The following PPME1 variants were observed in gnomAD, a reference collection of about 807,000 sequenced individuals.
PPME1 encodes the protein testicular secretory protein Li 39.
A neutral mutation model predicts 56.9 loss-of-function variants in PPME1; 17 were observed. The observed-to-expected ratio is 0.30, with a 90% confidence interval of 0.20 to 0.45. PPME1 has a LOEUF of 0.45. Among genes scored for constraint, PPME1 ranks in the 20% least tolerant of loss-of-function variants. The pLI, the probability that PPME1 is intolerant of heterozygous loss-of-function variation, is 1.00. For missense variants in PPME1, 357 were observed against 483.2 expected, an observed-to-expected ratio of 0.74 and a Z score of 2.45; for synonymous variants, 122 against 156.2, an observed-to-expected ratio of 0.78 and a Z score of 1.63.
intron 1 of PPME1, among the ~76,000 whole-genome samples, chr11:74,194,581 A>G (rs1441629533): frequency 6.6e-6 from 1 of 151,170 alleles, no homozygotes; most frequent in Non-Finnish European, 1.5e-5. Context: ...ATTATTTAAT[A>G]ATTATACACT....
intron 4 of PPME1, among the ~76,000 whole-genome samples, chr11:74,224,318 C>T (rs1156525822): frequency 1.4e-5 from 2 of 142,476 alleles, no homozygotes; most frequent in Non-Finnish European, 3.0e-5. Context: ...TGTTTTGGTA[C>T]CAGTACCATG....
chr11:74,182,743 T>G (rs887123786), intron 1 of PPME1, among the ~76,000 whole-genome samples: 1 of 152,174 alleles, frequency 6.6e-6, no homozygotes, highest in African/African-American at 2.4e-5. Context: ...CGTATACATG[T>G]TGAGAACTTC....
At chr11:74,213,028 G>T (rs980779694) in intron 3 of PPME1, among the ~76,000 whole-genome samples, 4 of 152,178 alleles carry the variant, frequency 2.6e-5, no homozygotes, top group African/African-American at 9.7e-5. Flanking sequence ...GCACCAGGTG[G>T]ACTCTTGGGG....
At chr11:74,173,328 C>T (rs1857329608) in intron 1 of PPME1, among the ~76,000 whole-genome samples, 1 of 152,008 alleles carries the variant, frequency 6.6e-6, no homozygotes, top group African/African-American at 2.4e-5. Context: ...TATACCAGCA[C>T]CCTTCTATAC....
chr11:74,230,782 C>T lies in PPME1; in HGVS notation c.554-130C>T, dbSNP rs1299922917. ...CCCAGAGGCAAAAATTATTGAGGGC[C>T]ATCTTTATTTCTCTGCGAGCATCAC... On this transcript the variant is annotated intron_variant, in intron 6 of 13. Transcript: ENST00000328257. The surrounding 1 kb of genome is among the most constrained non-coding windows in gnomAD (Gnocchi z 4.9). 2.7e-6 allele frequency: 2 copies of T among 744,070 alleles called. No homozygotes were observed. The highest frequency in any genetic ancestry group is 1.8e-5 in the South Asian group (1 of 54,616). The allele number at this position is 744,070 out of a possible 1,614,324, so 46.1% of individuals were successfully genotyped here. A position where few individuals can be genotyped will look rare whatever the true frequency, so the allele number is the denominator to read the frequency against.
In PPME1 at chr11:74,253,616, AC is replaced by A; in HGVS notation, c.*107del. On this transcript the variant is annotated 3_prime_UTR_variant, in exon 14 of 14. Transcript: ENST00000328257. ...CCTCTCCATCCCGCCCAGCCATGTG[AC>A]ACTGGCTCCCGGTAGACGGGCACCC... 1 of 1,279,048 alleles carries A rather than the reference AC, an allele frequency of 7.8e-7. No homozygotes were observed. The highest frequency in any genetic ancestry group is 1.1e-6 in the Non-Finnish European group (1 of 877,854). 79.2% of individuals were successfully genotyped at this position (1,279,048 alleles called of 1,614,324 possible). A position where few individuals can be genotyped will look rare whatever the true frequency, so the allele number is the denominator to read the frequency against.
At chr11:74,236,040 G>C in intron 8 of PPME1, 74 bp downstream of exon 8, 1 of 1,552,922 alleles carries the variant, frequency 6.4e-7, no homozygotes, top group Non-Finnish European at 8.7e-7. Flanking sequence ...TGCTTCTTTT[G>C]TCTTACACCA....
chr11:74,189,337 T>A (rs1415318278), intron 1 of PPME1, among the ~76,000 whole-genome samples: 57 of 152,376 alleles, frequency 3.7e-4, no homozygotes, highest in Middle Eastern at 6.8e-3. Context: ...TCACCCAGGC[T>A]GATGTGCAGT....
chr11:74,244,537 A>C (rs1285930789), intron 9 of PPME1, among the ~76,000 whole-genome samples: 1 of 152,160 alleles, frequency 6.6e-6, no homozygotes, highest in Non-Finnish European at 1.5e-5. Context: ...ATCGTTTCAT[A>C]TGCTTATTGG....
chr11:74,245,029 T>G (rs1236158666), intron 9 of PPME1, among the ~76,000 whole-genome samples: 2 of 152,226 alleles, frequency 1.3e-5, no homozygotes, highest in African/African-American at 2.4e-5. Flanking sequence ...GGTTTATTTT[T>G]GGGCTCTCTA....
At chr11:74,178,937 C>G (rs1019178496) in intron 1 of PPME1, among the ~76,000 whole-genome samples, 1 of 150,710 alleles carries the variant, frequency 6.6e-6, no homozygotes, top group Non-Finnish European at 1.5e-5. Flanking sequence ...AGAGAAGAAA[C>G]TTTTAATTAA....
chr11:74,181,600 G>T (rs191991405), intron 1 of PPME1, among the ~76,000 whole-genome samples: 172 of 152,286 alleles, frequency 1.1e-3, no homozygotes, highest in Admixed American at 6.3e-3. Flanking sequence ...GTTTCTTTGT[G>T]CTTTCTACTG....
At chr11:74,185,939 G>A (rs1857669235) in intron 1 of PPME1, among the ~76,000 whole-genome samples, 2 of 152,126 alleles carry the variant, frequency 1.3e-5, no homozygotes. Context: ...TTTAAGTGAG[G>A]TAAGGTTTCA....
At chr11:74,176,721 C>CTTT (rs780832040) in intron 1 of PPME1, among the ~76,000 whole-genome samples, 158 of 102,170 alleles carry the variant, frequency 1.5e-3, no homozygotes, top group African/African-American at 2.4e-3. Context: ...GTGTAGTGTC[C>CTTT]TTTTTTTTTT....
chr11:74,221,860 C>A (rs1248118956), intron 3 of PPME1, among the ~76,000 whole-genome samples: 1 of 152,104 alleles, frequency 6.6e-6, no homozygotes, highest in Non-Finnish European at 1.5e-5. Flanking sequence ...GATTCCATGA[C>A]TTCTGCTACT....
chr11:74,188,331 C>T (rs1002212226), intron 1 of PPME1, among the ~76,000 whole-genome samples: 3 of 151,630 alleles, frequency 2.0e-5, no homozygotes, highest in African/African-American at 4.8e-5. Flanking sequence ...GGATTACAGG[C>T]GCCTGCCACC....
chr11:74,251,538 G>C, intron 12 of PPME1, 110 bp from the exon 13 acceptor site: 1 of 1,516,496 alleles, frequency 6.6e-7, no homozygotes, highest in Non-Finnish European at 8.8e-7. Context: ...TCAGACCTGT[G>C]GGTGGGATGA....
At chr11:74,194,436 G>A (rs1035908967) in intron 1 of PPME1, among the ~76,000 whole-genome samples, 1 of 152,098 alleles carries the variant, frequency 6.6e-6, no homozygotes, top group African/African-American at 2.4e-5. Context: ...AATGGTCTAA[G>A]TGCCTCTCTG....
intron 4 of PPME1, among the ~76,000 whole-genome samples, chr11:74,223,292 A>G (rs1321368884): frequency 4.0e-5 from 6 of 151,330 alleles, no homozygotes; most frequent in Non-Finnish European, 8.9e-5. Context: ...TTATGGCTGC[A>G]TAGTATTCCA....
Sources: allele counts gnomAD v4.1 joint callset (sites outside exome capture counted in the v4.1 genomes callset), GRCh38; gene constraint gnomAD v4.1.1; non-coding constraint Gnocchi (gnomAD v3.1); transcripts MANE v1.5; gene names NCBI Gene and HGNC (gene_info 2026-07-23, HGNC 2026-07-21).